The following ASAP1 variants were observed in gnomAD, a reference collection of about 807,000 sequenced individuals.
ASAP1 encodes arf-GAP with SH3 domain, ANK repeat and PH domain-containing protein 1.
ASAP1 carries 43 observed loss-of-function variants against 145.2 expected under a neutral mutation model. That is an observed-to-expected ratio of 0.30 (90% CI 0.23 to 0.38). The LOEUF is 0.38. Ranked by LOEUF, ASAP1 falls within the 10% of genes least tolerant of loss-of-function variation. The pLI is 1.00. For synonymous variants in ASAP1, 546 were observed against 515.5 expected (o/e 1.06, Z -0.80); for missense variants, 1,018 against 1,355.3 (o/e 0.75, Z 3.91).
intron 13 of ASAP1, among the ~76,000 whole-genome samples, chr8:130,145,144 T>C (rs1388305395): frequency 6.6e-6 from 1 of 152,202 alleles, no homozygotes; most frequent in East Asian, 1.9e-4. Flanking sequence ...TATTTGATAG[T>C]ATATAGAGTT....
chr8:130,157,245 A>C (rs1235775131), intron 12 of ASAP1, among the ~76,000 whole-genome samples: 1 of 152,184 alleles, frequency 6.6e-6, no homozygotes, highest in African/African-American at 2.4e-5. Flanking sequence ...AAATCTGTGA[A>C]TTGTTAGTTG....
At chr8:130,131,603 G>GGAAAAAAA (rs1182699961) in intron 15 of ASAP1, among the ~76,000 whole-genome samples, 1 of 63,108 alleles carries the variant, frequency 1.6e-5, no homozygotes, top group African/African-American at 8.1e-5. Flanking sequence ...CATGGCTACT[G>GGAAAAAAA]AAAAAAAAAA....
At chr8:130,218,500 T>C (rs765099009) in intron 4 of ASAP1, among the ~76,000 whole-genome samples, 2 of 152,186 alleles carry the variant, frequency 1.3e-5, no homozygotes, top group East Asian at 3.9e-4. Flanking sequence ...TTATCCTGAA[T>C]TGAAATTTCA....
chr8:130,175,225 T>G (rs1813871507), intron 9 of ASAP1, among the ~76,000 whole-genome samples: 1 of 152,150 alleles, frequency 6.6e-6, no homozygotes, highest in Non-Finnish European at 1.5e-5. Flanking sequence ...TTTGTGTGTG[T>G]GTGTGTACAA....
At chr8:130,378,692 C>G (rs1014455221) in intron 2 of ASAP1, among the ~76,000 whole-genome samples, 19 of 152,318 alleles carry the variant, frequency 1.2e-4, no homozygotes, top group African/African-American at 4.3e-4. Flanking sequence ...AGTTTTGATG[C>G]TGAGAAGGTT....
Position 130,358,433 on chromosome 8 carries a change from G to C in ASAP1, c.60-290C>G, listed in dbSNP as rs909964260. Among the ~76,000 whole-genome samples, 1 of 148,570 alleles carries C rather than the reference G, an allele frequency of 6.7e-6. No homozygotes were observed. The highest frequency in any genetic ancestry group is 1.5e-5 in the Non-Finnish European group (1 of 66,570). On this transcript the variant is annotated intron_variant, in intron 2 of 29. Transcript: ENST00000518721. This position sits in a 1 kb window ranked among gnomAD's most constrained non-coding sequence, Gnocchi z 4.1. ...GCCTCCCTCTGCTCATGCCGGCGGC[G>C]GCAGCTCCTCAGCGGCGGGGGAGGG...
At chr8:130,097,297 C>T (rs945895028) in intron 24 of ASAP1, among the ~76,000 whole-genome samples, 3 of 152,090 alleles carry the variant, frequency 2.0e-5, no homozygotes, top group African/African-American at 7.2e-5. Context: ...GCACTCTGCT[C>T]TGTGGCTTCT....
intron 3 of ASAP1, 21 bp from the exon 4 acceptor site, chr8:130,237,015 A>G (rs770768644): frequency 3.9e-5 from 59 of 1,517,594 alleles, no homozygotes; most frequent in Non-Finnish European, 5.1e-5. Flanking sequence ...AAAAAGGGGG[A>G]AAAGATATTA....
chr8:130,213,910 A>G (rs1816736280), intron 5 of ASAP1, among the ~76,000 whole-genome samples: 1 of 152,168 alleles, frequency 6.6e-6, no homozygotes. Flanking sequence ...CCTGGCAAAC[A>G]GTTTCCTCCA....
Position 130,068,607 on chromosome 8 carries a change from G to A in ASAP1, c.2702-7538C>T, listed in dbSNP as rs73405564. ...TTGATGGGACCCACAGCTCACTATT[G>A]AACAACTGCATATGGGTATATATGA... On this transcript the variant is annotated intron_variant, in intron 27 of 29. Transcript: ENST00000518721. 7.0e-3 allele frequency among the ~76,000 whole-genome samples: 1,062 copies of A among 152,256 alleles called. 12 individuals carry two copies. The highest frequency in any genetic ancestry group is 0.025 in the African/African-American group (1,026 of 41,536).
At chr8:130,232,143 A>G (rs926820978) in intron 4 of ASAP1, among the ~76,000 whole-genome samples, 2 of 152,214 alleles carry the variant, frequency 1.3e-5, no homozygotes, top group Non-Finnish European at 2.9e-5. Flanking sequence ...TATCTTGTCT[A>G]TGGACTGGCC....
intron 5 of ASAP1, among the ~76,000 whole-genome samples, chr8:130,206,635 C>T (rs1048581869): frequency 4.6e-5 from 7 of 152,118 alleles, no homozygotes; most frequent in Non-Finnish European, 1.0e-4. Context: ...CCAAAGGCCT[C>T]CGGAGAGAAG....
chr8:130,361,752 T>C, intron 2 of ASAP1: 1 of 1,535,006 alleles, frequency 6.5e-7, no homozygotes, highest in Non-Finnish European at 8.7e-7. Context: ...TCAAATACTC[T>C]GAAAATCATT....
At chr8:130,085,566 C>A (rs1334561784) in intron 25 of ASAP1, among the ~76,000 whole-genome samples, 1 of 151,818 alleles carries the variant, frequency 6.6e-6, no homozygotes, top group Non-Finnish European at 1.5e-5. Flanking sequence ...AAGACCTTGT[C>A]TCTACAAAAA....
chr8:130,389,625 G>A (rs1828181103), intron 2 of ASAP1, among the ~76,000 whole-genome samples: 1 of 152,140 alleles, frequency 6.6e-6, no homozygotes, highest in Admixed American at 6.5e-5. Flanking sequence ...TAAAGTTCTG[G>A]TACCAGCCAG....
At chr8:130,069,190 T>C (rs561003639) in intron 27 of ASAP1, among the ~76,000 whole-genome samples, 52 of 152,286 alleles carry the variant, frequency 3.4e-4, no homozygotes, top group African/African-American at 1.2e-3. Context: ...CTTTAGATGG[T>C]TATTAAGAAA....
intron 13 of ASAP1, among the ~76,000 whole-genome samples, chr8:130,145,143 G>C (rs1460084471): frequency 6.6e-6 from 1 of 152,146 alleles, no homozygotes; most frequent in Non-Finnish European, 1.5e-5. Context: ...CTATTTGATA[G>C]TATATAGAGT....
At chr8:130,312,409 A>C (rs1823411506) in intron 3 of ASAP1, among the ~76,000 whole-genome samples, 1 of 152,142 alleles carries the variant, frequency 6.6e-6, no homozygotes, top group Non-Finnish European at 1.5e-5. Flanking sequence ...ACGAGAGCTA[A>C]ATCTAACACA....
intron 5 of ASAP1, among the ~76,000 whole-genome samples, chr8:130,206,233 A>C (rs1347966651): frequency 6.6e-6 from 1 of 152,182 alleles, no homozygotes; most frequent in Non-Finnish European, 1.5e-5. Flanking sequence ...GAAAACTGCC[A>C]ATGATTGATG....
Sources: gnomAD v4.1 joint callset for allele counts (sites outside exome capture counted in the v4.1 genomes callset) on GRCh38, gnomAD v4.1.1 for gene constraint, Gnocchi (gnomAD v3.1) non-coding constraint, MANE v1.5 for transcripts, NCBI Gene and HGNC (gene_info 2026-07-23, HGNC 2026-07-21) for gene names.